The following RAMP1 variants were observed in gnomAD, a reference collection of about 807,000 sequenced individuals.
RAMP1 encodes the protein receptor activity-modifying protein 1.
RAMP1 carries 7 observed loss-of-function variants against 8.2 expected under a neutral mutation model. The observed-to-expected ratio is 0.85, with a 90% CI of 0.49 to 1.60. The LOEUF (loss-of-function observed/expected upper bound fraction) is 1.60. Ranked by LOEUF, RAMP1 falls within the 40% of genes most tolerant of loss-of-function variation. RAMP1 has a pLI of 0.00. For synonymous variants in RAMP1, 92 were observed against 84.7 expected (o/e 1.09, Z -0.47); for missense variants, 192 against 202.4 (o/e 0.95, Z 0.31).
At chr2:237,868,990 G>A (rs569855829) in intron 1 of RAMP1, among the ~76,000 whole-genome samples, 28 of 152,260 alleles carry the variant, frequency 1.8e-4, no homozygotes, top group African/African-American at 4.8e-4. Context: ...TAAATGGCCC[G>A]TAAGCCCGTG....
At chr2:237,903,006 T>C (rs1191085684) in intron 2 of RAMP1, among the ~76,000 whole-genome samples, 1 of 152,182 alleles carries the variant, frequency 6.6e-6, no homozygotes, top group Non-Finnish European at 1.5e-5. Flanking sequence ...TCTAACCTGC[T>C]GCTGCTTTTC....
chr2:237,889,247 T>TA (rs1287612980), intron 2 of RAMP1, among the ~76,000 whole-genome samples: 1 of 152,206 alleles, frequency 6.6e-6, no homozygotes, highest in East Asian at 1.9e-4. Flanking sequence ...CGCACAGCTG[T>TA]AACTGTCCAC....
chr2:237,886,384 C>T (rs10194859), intron 2 of RAMP1, among the ~76,000 whole-genome samples: 2,091 of 152,270 alleles, frequency 0.014, 30 homozygotes, highest in South Asian at 0.032. Context: ...ACTTAACGTG[C>T]GCGCCATGGT....
chr2:237,883,237 T>C (rs553120003), intron 2 of RAMP1, among the ~76,000 whole-genome samples: 5 of 152,140 alleles, frequency 3.3e-5, no homozygotes, highest in African/African-American at 9.6e-5. Flanking sequence ...GGTATCTTGG[T>C]ATATGGCAGA....
intron 2 of RAMP1, among the ~76,000 whole-genome samples, chr2:237,884,418 G>A (rs2062406520): frequency 2.0e-5 from 3 of 152,212 alleles, no homozygotes; most frequent in Admixed American, 1.3e-4. Context: ...TCCTATGGGT[G>A]TAGGGGAGGG....
At chr2:237,907,424 T>C (rs937399811) in intron 2 of RAMP1, among the ~76,000 whole-genome samples, 2 of 152,206 alleles carry the variant, frequency 1.3e-5, no homozygotes, top group African/African-American at 4.8e-5. Flanking sequence ...CTCCTCTTTC[T>C]GGGACTCTCA....
chr2:237,878,095 T>TG lies in RAMP1; in HGVS notation c.191+737dup. ...CTCCGTGGGAGGCGCTGGGGTGTCC[T>TG]GGGGCTGCAGTGGGTGAGTAGCGGG... On this transcript the variant is annotated intron_variant, in intron 2 of 2. Transcript: ENST00000254661. The surrounding 1 kb of genome is among the most constrained non-coding windows in gnomAD (Gnocchi z 5.7). 1 of 985,458 alleles carries TG rather than the reference T, an allele frequency of 1.0e-6. No homozygotes were observed. The highest frequency in any genetic ancestry group is 1.2e-6 in the Non-Finnish European group (1 of 829,928). The allele number at this position is 985,458 out of a possible 1,614,324, so 61.0% of individuals were successfully genotyped here. A position where few individuals can be genotyped will look rare whatever the true frequency, so the allele number is the denominator to read the frequency against.
At chr2:237,887,484 TGTCTC>T (rs2151014332) in intron 2 of RAMP1, among the ~76,000 whole-genome samples, 1 of 152,334 alleles carries the variant, frequency 6.6e-6, no homozygotes, top group African/African-American at 2.4e-5. Context: ...TTCAGCTTCT[TGTCTC>T]AATCAAAAAA....
rs2062173252 is a variant in RAMP1, at chr2:237,865,088, C to T, written c.52+5361C>T. On this transcript the variant is annotated intron_variant, in intron 1 of 2. Coordinates refer to ENST00000254661, the MANE Select transcript of RAMP1 (RefSeq NM_005855.4). The surrounding 1 kb of genome is among the most constrained non-coding windows in gnomAD (Gnocchi z 4.2). ...AGGAGCCCTCAGCTGTGGCCCCCAG[C>T]ATGGGCAGGAGGCCAGGCAAGGATA... is the stretch of plus-strand genomic sequence containing the variant. Among the ~76,000 whole-genome samples, 1 of 152,074 alleles carries T rather than the reference C, an allele frequency of 6.6e-6. No homozygotes were observed. The highest frequency in any genetic ancestry group is 2.4e-5 in the African/African-American group (1 of 41,390).
At chr2:237,901,785 G>A (rs1456451701) in intron 2 of RAMP1, among the ~76,000 whole-genome samples, 2 of 152,202 alleles carry the variant, frequency 1.3e-5, no homozygotes, top group Non-Finnish European at 2.9e-5. Context: ...GGAGGGCGGT[G>A]GAGGGGTTTG....
At chr2:237,893,664 T>C (rs772340973) in intron 2 of RAMP1, among the ~76,000 whole-genome samples, 17 of 152,264 alleles carry the variant, frequency 1.1e-4, no homozygotes, top group Non-Finnish European at 2.1e-4. Context: ...TTCGGCCGGG[T>C]ATGGTGGCTC....
chr2:237,860,777 G>A (rs955753891), intron 1 of RAMP1, among the ~76,000 whole-genome samples: 5 of 152,192 alleles, frequency 3.3e-5, no homozygotes, highest in Admixed American at 2.6e-4. Flanking sequence ...AGGGACCACC[G>A]GCGCTGTTGT....
chr2:237,882,648 A>T (rs2062382514), intron 2 of RAMP1, among the ~76,000 whole-genome samples: 1 of 152,142 alleles, frequency 6.6e-6, no homozygotes, highest in Non-Finnish European at 1.5e-5. Flanking sequence ...TCGCATTGAG[A>T]CACCAAGCCT....
intron 2 of RAMP1, among the ~76,000 whole-genome samples, chr2:237,901,062 G>A (rs79270362): frequency 6.6e-6 from 1 of 152,274 alleles, no homozygotes; most frequent in African/African-American, 2.4e-5. Context: ...CGGGCTGTCT[G>A]TACGCTGTGG....
intron 1 of RAMP1, among the ~76,000 whole-genome samples, chr2:237,875,485 C>A (rs192172506): frequency 1.4e-4 from 21 of 151,992 alleles, no homozygotes; most frequent in Admixed American, 1.3e-4. Flanking sequence ...TGCCAGGGGT[C>A]GAGGGTGGGT....
intron 2 of RAMP1, among the ~76,000 whole-genome samples, chr2:237,908,941 C>G (rs10460282): frequency 0.76 from 116,236 of 152,112 alleles, 44,994 homozygotes; most frequent in African/African-American, 0.89. Context: ...GGTGGAAAGG[C>G]CTTTGAGCCT....
rs974634238 is a variant in RAMP1 at position 237,877,979 on chromosome 2, G to T, written c.191+617G>T. On this transcript the variant is annotated intron_variant, in intron 2 of 2. Transcript: ENST00000254661. The surrounding 1 kb of genome is among the most constrained non-coding windows in gnomAD (Gnocchi z 4.4). ...TGGGCCCCCATCAGCAGGCCGGGGG[G>T]TTCTCCCCAGCAGGCCCAGGCTCCT... 2.5e-5 allele frequency: 25 copies of T among 985,314 alleles called. No individual in the cohort carries two copies. Among genetic ancestry groups the T allele is most frequent in the Non-Finnish European group, 3.0e-5 (25 of 829,924 alleles). 61.0% of individuals were successfully genotyped at this position (985,314 alleles called of 1,614,324 possible).
chr2:237,911,949 T>C lies in RAMP1; in HGVS notation c.*166T>C. ...TCCAGAGTAGCCGAGGCTCTGGTAT[T>C]AACCTGGAAGCCCCCCTGGCTGGAG... On this transcript the variant is annotated 3_prime_UTR_variant, in exon 3 of 3. Coordinates refer to ENST00000254661, the MANE Select transcript of RAMP1 (RefSeq NM_005855.4). 1 of 1,197,834 alleles carries C rather than the reference T, an allele frequency of 8.3e-7. No individual in the cohort carries two copies. Among genetic ancestry groups the C allele is most frequent in the Non-Finnish European group, 1.1e-6 (1 of 884,326 alleles). The allele number at this position is 1,197,834 out of a possible 1,614,324, so 74.2% of individuals were successfully genotyped here. A position where few individuals can be genotyped will look rare whatever the true frequency, so the allele number is the denominator to read the frequency against.
chr2:237,903,680 G>T (rs6722412), intron 2 of RAMP1, among the ~76,000 whole-genome samples: 131,432 of 151,728 alleles, frequency 0.87, 56,977 homozygotes, highest in African/African-American at 0.9. Context: ...GTGCATCCCA[G>T]CACTGGCAAA....
Sources: allele counts gnomAD v4.1 joint callset (sites outside exome capture counted in the v4.1 genomes callset), GRCh38; gene constraint gnomAD v4.1.1; non-coding constraint Gnocchi (gnomAD v3.1); transcripts MANE v1.5; gene names NCBI Gene and HGNC (gene_info 2026-07-23, HGNC 2026-07-21).